The following SLIT3 variants were observed in gnomAD, a reference collection of about 807,000 sequenced individuals.
SLIT3 encodes the protein slit guidance ligand 3.
In SLIT3, 68 loss-of-function variants were observed where a neutral mutation model predicts 184.0. The observed-to-expected ratio is 0.37, with a 90% CI of 0.30 to 0.45. The LOEUF is 0.45. Ranked by LOEUF, SLIT3 falls within the 20% of genes least tolerant of loss-of-function variation. The pLI is 1.00. For missense variants in SLIT3, 1,707 were observed against 2,026.0 expected (o/e 0.84, Z 3.02); for synonymous variants, 831 against 828.6 (o/e 1.00, Z -0.05).
chr5:169,011,505 G>A (rs1756152084), intron 4 of SLIT3, among the ~76,000 whole-genome samples: 1 of 152,124 alleles, frequency 6.6e-6, no homozygotes, highest in South Asian at 2.1e-4. Flanking sequence ...TTATGGAGGT[G>A]ATTTATGGAG....
At chr5:168,738,352 A>G (rs1042262854) in intron 20 of SLIT3, among the ~76,000 whole-genome samples, 7 of 152,186 alleles carry the variant, frequency 4.6e-5, no homozygotes, top group African/African-American at 1.7e-4. Context: ...CAAAACCAGG[A>G]ATGCCCTTGA....
chr5:168,950,946 C>A (rs1762631690), intron 4 of SLIT3, among the ~76,000 whole-genome samples: 1 of 152,228 alleles, frequency 6.6e-6, no homozygotes, highest in Non-Finnish European at 1.5e-5. Context: ...CTGAGCCAGG[C>A]ACAGTGGCTC....
At chr5:168,810,835 A>G (rs1220380251) in intron 8 of SLIT3, among the ~76,000 whole-genome samples, 1 of 151,990 alleles carries the variant, frequency 6.6e-6, no homozygotes, top group Non-Finnish European at 1.5e-5. Flanking sequence ...GGGAACACTC[A>G]AGTGAGTGAG....
chr5:168,711,370 T>C (rs1762555378), intron 24 of SLIT3, among the ~76,000 whole-genome samples: 1 of 152,084 alleles, frequency 6.6e-6, no homozygotes. Context: ...TCACTGGCCA[T>C]CTGATTATCT....
At chr5:169,225,475 G>C (rs1258486545) in intron 3 of SLIT3, among the ~76,000 whole-genome samples, 1 of 152,202 alleles carries the variant, frequency 6.6e-6, no homozygotes, top group Non-Finnish European at 1.5e-5. Flanking sequence ...GTTCCGGCCA[G>C]GCACGATGCT....
intron 4 of SLIT3, among the ~76,000 whole-genome samples, chr5:168,961,810 T>C (rs1763018773): frequency 6.6e-6 from 1 of 152,116 alleles, no homozygotes; most frequent in Non-Finnish European, 1.5e-5. Context: ...GGAACTTTAA[T>C]GTTTATCTTA....
chr5:168,723,410 T>C lies in SLIT3; in HGVS notation c.2340-406A>G, dbSNP rs531956070. ...CATTCATCCAAATGGTCATTTTCAA[T>C]TCAAACACTTATTCAATCATTCAAG... On this transcript the variant is annotated intron_variant, in intron 21 of 35. Transcript: ENST00000519560. Among the ~76,000 whole-genome samples the C allele has an allele frequency of 1.1e-3, 156 of 148,266 alleles. 2 individuals are homozygous for C. Among genetic ancestry groups the C allele is most frequent in the South Asian group, 9.4e-3 (41 of 4,348 alleles).
intron 4 of SLIT3, among the ~76,000 whole-genome samples, chr5:169,027,980 G>T (rs1307553168): frequency 1.3e-5 from 2 of 152,030 alleles, no homozygotes; most frequent in Admixed American, 6.6e-5. Context: ...CCTTTATCTC[G>T]TCACATTACT....
chr5:168,838,320 G>A (rs1283297957), intron 6 of SLIT3, among the ~76,000 whole-genome samples: 1 of 152,052 alleles, frequency 6.6e-6, no homozygotes, highest in Non-Finnish European at 1.5e-5. Flanking sequence ...CAGTTCCTAG[G>A]ATGTGCCTCA....
Position 168,753,935 on chromosome 5 carries a change from C to G in SLIT3, c.1758G>C (p.Leu586=). The G allele has an allele frequency of 6.2e-7, 1 of 1,612,074 alleles. No individual in the cohort carries two copies. The highest frequency in any genetic ancestry group is 8.5e-7 in the Non-Finnish European group (1 of 1,179,950). The part of the protein sequence containing the change: ...AFDGAASVQE[L]MLTGNQLETV... ...TCTCCAGCTGGTTCCCTGTCAGCAT[C>G]AGCTCCTGCACGCTGGCTGCTCCAT... is the stretch of plus-strand genomic sequence containing the variant. The change falls in exon 17 of 36, where the codon CTG becomes CTC. Residue 586 remains leucine, a synonymous_variant. Coordinates refer to ENST00000519560, the MANE Select transcript of SLIT3 (RefSeq NM_003062.4).
intron 4 of SLIT3, among the ~76,000 whole-genome samples, chr5:168,964,634 A>T (rs1763121239): frequency 6.6e-6 from 1 of 152,240 alleles, no homozygotes; most frequent in Non-Finnish European, 1.5e-5. Context: ...AACACAGTCA[A>T]CCTTTCAGCC....
intron 7 of SLIT3, among the ~76,000 whole-genome samples, chr5:168,818,742 C>G (rs1210254360): frequency 6.6e-6 from 1 of 152,200 alleles, no homozygotes; most frequent in African/African-American, 2.4e-5. Flanking sequence ...TGACCAAGCT[C>G]CACTTAGTGT....
chr5:168,907,971 T>TAGAG lies in SLIT3; in HGVS notation c.414-24636_414-24635insCTCT, dbSNP rs1258570486. 9.5e-3 allele frequency among the ~76,000 whole-genome samples: 674 copies of TAGAG among 70,966 alleles called. 3 individuals carry two copies. Among genetic ancestry groups the TAGAG allele is most frequent in the Non-Finnish European group, 0.012 (456 of 37,324 alleles). 46.6% of individuals were successfully genotyped at this position (70,966 alleles called of 152,430 possible). On this transcript the variant is annotated intron_variant, in intron 4 of 35. Coordinates refer to ENST00000519560, the MANE Select transcript of SLIT3 (RefSeq NM_003062.4). ...ATATATATATATATATATATATATA[T>TAGAG]ATATATATAGAGAGAGAGAGAGAGA...
At chr5:168,898,544 C>A (rs550141284) in intron 4 of SLIT3, among the ~76,000 whole-genome samples, 1 of 152,216 alleles carries the variant, frequency 6.6e-6, no homozygotes, top group African/African-American at 2.4e-5. Context: ...GAGATTTATA[C>A]CAATGAATAT....
At chr5:168,775,861 C>G (rs1021151949) in intron 12 of SLIT3, among the ~76,000 whole-genome samples, 1 of 152,124 alleles carries the variant, frequency 6.6e-6, no homozygotes, top group Non-Finnish European at 1.5e-5. Flanking sequence ...GCAGAGGATG[C>G]CACGAGGGTG....
intron 30 of SLIT3, 67 bp from the exon 31 acceptor site, chr5:168,685,994 C>T: frequency 1.3e-6 from 2 of 1,513,832 alleles, no homozygotes; most frequent in East Asian, 4.7e-5. Context: ...CACAGTTACT[C>T]AGGCCAAAGA....
chr5:168,874,262 C>T lies in SLIT3; in HGVS notation c.485+9003G>A, dbSNP rs116915029. On this transcript the variant is annotated intron_variant, in intron 5 of 35. Transcript: ENST00000519560. ...AGTCTCCATTATCCTGAAAAAACAT[C>T]AGTGCTTCTCTGGGCTCCTTCTTGT... is the stretch of plus-strand genomic sequence containing the variant. Among the ~76,000 whole-genome samples the T allele has an allele frequency of 1.1e-3, 175 of 152,294 alleles. 8 individuals carry two copies. The East Asian group carries it at 0.026, about 23-fold the overall frequency.
At chr5:168,831,698 G>A (rs138790632) in intron 6 of SLIT3, among the ~76,000 whole-genome samples, 12 of 152,184 alleles carry the variant, frequency 7.9e-5, no homozygotes, top group Non-Finnish European at 1.2e-4. Flanking sequence ...AGCTCTCACC[G>A]CCAAGTAACA....
chr5:168,773,796 G>A (rs919794526), intron 13 of SLIT3, among the ~76,000 whole-genome samples: 13 of 152,092 alleles, frequency 8.5e-5, no homozygotes, highest in African/African-American at 2.4e-4. Flanking sequence ...GGGGTTAAGC[G>A]GGGGCAGGAG....
Sources: gnomAD v4.1 joint callset for allele counts (sites outside exome capture counted in the v4.1 genomes callset) on GRCh38, gnomAD v4.1.1 for gene constraint, MANE v1.5 for transcripts, NCBI Gene and HGNC (gene_info 2026-07-23, HGNC 2026-07-21) for gene names.